The following CARS2 variants were observed in gnomAD, a reference collection of about 807,000 sequenced individuals.
CARS2 encodes cysteinyl-tRNA synthetase 2, mitochondrial.
In CARS2, 52 loss-of-function variants were observed where a neutral mutation model predicts 68.8. The observed-to-expected ratio is 0.76, with a 90% CI of 0.61 to 0.95. The LOEUF is 0.95. Among genes scored for constraint, CARS2 ranks in the 40% least tolerant of loss-of-function variants. The probability of loss-of-function intolerance (pLI) is 0.00; values close to 1 mark genes in which losing one functional copy is unlikely to be tolerated. For missense variants in CARS2, 780 were observed against 754.2 expected (o/e 1.03, Z -0.40); for synonymous variants, 314 against 303.6 (o/e 1.03, Z -0.36).
intron 7 of CARS2, among the ~76,000 whole-genome samples, chr13:110,669,294 G>C (rs1386208873): frequency 6.6e-6 from 1 of 152,120 alleles, no homozygotes; most frequent in Non-Finnish European, 1.5e-5. Context: ...GAATACTCAA[G>C]CTGTCTGGGA....
At chr13:110,713,002 C>T (rs375842294) in intron 1 of CARS2, 8 of 1,543,028 alleles carry the variant, frequency 5.2e-6, no homozygotes, top group Middle Eastern at 1.8e-4. Context: ...CACTCTGCGG[C>T]CGCAGCTCAA....
intron 5 of CARS2, among the ~76,000 whole-genome samples, chr13:110,685,759 G>C (rs1303492931): frequency 6.6e-6 from 1 of 152,096 alleles, no homozygotes; most frequent in Admixed American, 6.6e-5. Flanking sequence ...CTGTGGTCAG[G>C]GTTTGCAGCC....
At chr13:110,677,318 T>C (rs11069863) in intron 6 of CARS2, among the ~76,000 whole-genome samples, 604 of 26,546 alleles carry the variant, frequency 0.023, 3 homozygotes, top group Non-Finnish European at 0.032. Context: ...ACATGGAAAC[T>C]CAGACAGTCA....
chr13:110,642,440 A>ACTGCCGGACCTT lies in CARS2; in HGVS notation c.1486_1497dup (p.Lys496_Gln499dup). ...GTGGCCTCGGGCATGGCCAGCGCAA[A>ACTGCCGGACCTT]CTGCCGGACCTTCTGCCGGAACCGC... On this transcript the variant is annotated inframe_insertion, in exon 14 of 15. Transcript: ENST00000257347. 6.2e-7 allele frequency: 1 copy of ACTGCCGGACCTT among 1,607,136 alleles called. No homozygotes were observed. The highest frequency in any genetic ancestry group is 8.5e-7 in the Non-Finnish European group (1 of 1,177,312).
chr13:110,679,021 C>T (rs1284352199), intron 6 of CARS2, among the ~76,000 whole-genome samples: 2 of 152,272 alleles, frequency 1.3e-5, no homozygotes, highest in Admixed American at 6.5e-5. Flanking sequence ...CATCCGGTCA[C>T]GCCCGTTGTC....
intron 9 of CARS2, 42 bp downstream of exon 9, chr13:110,663,409 A>T (rs2062562667): frequency 6.3e-7 from 1 of 1,587,880 alleles, no homozygotes; most frequent in African/African-American, 1.4e-5. Context: ...GGGTTCCACA[A>T]GCTATCGGCA....
upstream of CARS2, chr13:110,706,181 G>A (rs2063954439): frequency 3.1e-6 from 3 of 964,316 alleles, no homozygotes; most frequent in Admixed American, 4.8e-5. Flanking sequence ...GCCCCGCCCC[G>A]CCCCGCCCAC....
intron 6 of CARS2, among the ~76,000 whole-genome samples, chr13:110,682,775 G>A (rs2063193763): frequency 6.6e-6 from 1 of 152,140 alleles, no homozygotes; most frequent in South Asian, 2.1e-4. Flanking sequence ...AAAACCCTGG[G>A]GAGGAAAAAG....
chr13:110,649,731 G>A (rs951296537), intron 10 of CARS2, among the ~76,000 whole-genome samples: 1 of 152,096 alleles, frequency 6.6e-6, no homozygotes, highest in Admixed American at 6.5e-5. Context: ...ATGGAGCAGA[G>A]GGGACACCAG....
intron 8 of CARS2, chr13:110,664,182 C>T: frequency 3.0e-6 from 3 of 985,362 alleles, no homozygotes; most frequent in Non-Finnish European, 3.6e-6. Context: ...TAACAGAAGA[C>T]TCTTCCTCTT....
chr13:110,675,081 G>A (rs1363367918), intron 7 of CARS2, among the ~76,000 whole-genome samples: 2 of 152,048 alleles, frequency 1.3e-5, no homozygotes, highest in Admixed American at 6.6e-5. Flanking sequence ...AGGATGTGGA[G>A]AAATAGGAAC....
At position 110,665,194 on chromosome 13, in the gene CARS2, C is replaced by T; in HGVS notation, c.920-1676G>A. 1.4e-5 allele frequency: 14 copies of T among 981,922 alleles called. No individual in the cohort carries two copies. Among genetic ancestry groups the T allele is most frequent in the Non-Finnish European group, 1.3e-5 (11 of 826,770 alleles). 60.8% of individuals were successfully genotyped at this position (981,922 alleles called of 1,614,324 possible). ...ACGTGCAGTGGCTCACGCCTATAAT[C>T]CCAGCACTTTGGGAGGCAGAGGTGG... On this transcript the variant is annotated intron_variant, in intron 8 of 14. Coordinates refer to ENST00000257347, the MANE Select transcript of CARS2 (RefSeq NM_024537.4). This position sits in a 1 kb window ranked among gnomAD's most constrained non-coding sequence, Gnocchi z 4.3.
intron 12 of CARS2, chr13:110,645,411 G>A (rs575085399): frequency 6.6e-6 from 1 of 152,464 alleles, no homozygotes; most frequent in South Asian, 2.1e-4. Flanking sequence ...GTCATCAAAG[G>A]TCACGGGGCT....
intron 10 of CARS2, among the ~76,000 whole-genome samples, chr13:110,649,940 T>G (rs1223609706): frequency 6.9e-6 from 1 of 145,810 alleles, no homozygotes; most frequent in African/African-American, 2.6e-5. Flanking sequence ...ACTTTTTTTT[T>G]TTTTTTTTTT....
chr13:110,711,210 C>A (rs541326328), upstream of CARS2, among the ~76,000 whole-genome samples: 1 of 147,604 alleles, frequency 6.8e-6, no homozygotes, highest in African/African-American at 2.5e-5. Flanking sequence ...GTTATCTTGT[C>A]GTAGTCTTTT....
Position 110,653,365 on chromosome 13 carries a change from A to T in CARS2, c.988-2265T>A, listed in dbSNP as rs567834307. Among the ~76,000 whole-genome samples, 2 of 151,860 alleles carry T rather than the reference A, an allele frequency of 1.3e-5. No individual in the cohort carries two copies. The highest frequency in any genetic ancestry group is 3.9e-4 in the East Asian group (2 of 5,174). ...TTACTCCTGGGTCCTCTAATTCGCA[A>T]CTCGCAGGCTTACTTGACACCCTCC... On this transcript the variant is annotated intron_variant, in intron 9 of 14. Transcript: ENST00000257347. This position sits in a 1 kb window ranked among gnomAD's most constrained non-coding sequence, Gnocchi z 5.6.
intron 7 of CARS2, among the ~76,000 whole-genome samples, chr13:110,675,275 A>G (rs1012453358): frequency 2.0e-5 from 3 of 152,348 alleles, no homozygotes; most frequent in African/African-American, 7.2e-5. Context: ...TTATTGTGGC[A>G]CTATTCACAA....
chr13:110,705,105 C>CAGATATGATAGAAAA lies in CARS2; in HGVS notation c.275+415_275+416insTTTTCTATCATATCT, dbSNP rs2063901998. 6.6e-6 allele frequency among the ~76,000 whole-genome samples: 1 copy of CAGATATGATAGAAAA among 152,122 alleles called. No individual in the cohort carries two copies. Among genetic ancestry groups the CAGATATGATAGAAAA allele is most frequent in the South Asian group, 2.1e-4 (1 of 4,826 alleles). The stretch of plus-strand genomic sequence containing the variant: ...TATTTACTAAAATTGTTATAAGATC[C>CAGATATGATAGAAAA]AAGTTATCATTCCCATCTCAAAGAT... On this transcript the variant is annotated intron_variant, in intron 2 of 14. Coordinates refer to ENST00000257347, the MANE Select transcript of CARS2 (RefSeq NM_024537.4). This position sits in a 1 kb window ranked among gnomAD's most constrained non-coding sequence, Gnocchi z 4.0.
Position 110,665,428 on chromosome 13 carries a change from C to T in CARS2, c.920-1910G>A, listed in dbSNP as rs752954004. ...GCCACTGCACTCCCAGGCTGGGGGA[C>T]GGAGCGAAATTGTTTCAACAACAAC... is the stretch of plus-strand genomic sequence containing the variant. On this transcript the variant is annotated intron_variant, in intron 8 of 14. Transcript: ENST00000257347. This position sits in a 1 kb window ranked among gnomAD's most constrained non-coding sequence, Gnocchi z 4.3. 23 of 984,784 alleles carry T rather than the reference C, an allele frequency of 2.3e-5. No individual in the cohort carries two copies. The highest frequency in any genetic ancestry group is 6.1e-5 in the Admixed American group (1 of 16,270). 61.0% of individuals were successfully genotyped at this position (984,784 alleles called of 1,614,324 possible). A position where few individuals can be genotyped will look rare whatever the true frequency, so the allele number is the denominator to read the frequency against.
Sources: allele counts gnomAD v4.1 joint callset (sites outside exome capture counted in the v4.1 genomes callset), GRCh38; gene constraint gnomAD v4.1.1; non-coding constraint Gnocchi (gnomAD v3.1); transcripts MANE v1.5; gene names NCBI Gene and HGNC (gene_info 2026-07-23, HGNC 2026-07-21).